The following MYO18B variants were observed in gnomAD, a reference collection of about 807,000 sequenced individuals.
MYO18B encodes myosin XVIIIB, also known as unconventional myosin-XVIIIb.
In MYO18B, 204 loss-of-function variants were observed where a neutral mutation model predicts 273.0. The observed-to-expected ratio is 0.75, with a 90% CI of 0.67 to 0.84. The LOEUF (loss-of-function observed/expected upper bound fraction) is 0.84, where lower values mean the gene tolerates loss of function less well. Among genes scored for constraint, MYO18B ranks in the 40% least tolerant of loss-of-function variants. The probability of loss-of-function intolerance (pLI) is 0.00; values close to 1 mark genes in which losing one functional copy is unlikely to be tolerated. For synonymous variants in MYO18B, 1,330 were observed against 1,305.7 expected (o/e 1.02, Z -0.40); for missense variants, 3,212 against 3,287.6 (o/e 0.98, Z 0.56).
rs533889222 is a variant in MYO18B, at chr22:25,847,061, G to A, written c.3553-369G>A. On this transcript the variant is annotated intron_variant, in intron 19 of 43. Transcript: ENST00000335473. ...TGCCACTGCACTCCAGCCTGGCAAC[G>A]GAGTGAGACTCTGTCTCAAAAAAAA... Among the ~76,000 whole-genome samples the A allele has an allele frequency of 3.4e-5, 5 of 148,550 alleles. No individual in the cohort carries two copies. In the East Asian group the frequency reaches 5.9e-4, roughly 17 times the overall value.
chr22:25,930,275 C>T (rs1430022447), intron 34 of MYO18B, among the ~76,000 whole-genome samples: 1 of 152,140 alleles, frequency 6.6e-6, no homozygotes, highest in Non-Finnish European at 1.5e-5. Flanking sequence ...TTGTCACTCC[C>T]TGTAATTATT....
In MYO18B at chr22:25,826,440, G is replaced by A; in HGVS notation, c.2727G>A (p.Glu909=). The A allele has an allele frequency of 6.2e-7, 1 of 1,613,834 alleles. No individual in the cohort carries two copies. Among genetic ancestry groups the A allele is most frequent in the Non-Finnish European group, 8.5e-7 (1 of 1,179,770 alleles). Residue 909 remains glutamate (E), a synonymous_variant, in exon 14 of 44, where the codon GAG becomes GAA. Coordinates refer to ENST00000335473, the MANE Select transcript of MYO18B (RefSeq NM_032608.7). ...GLKMTGVDCV[E]GMASGLYQEL... is the part of the protein sequence containing the mutation. ...AGATGACAGGAGTGGACTGTGTGGA[G>A]GGGATGGCCTCGGGCCTGTACCAGG...
chr22:25,908,518 A>G (rs1175993306), intron 32 of MYO18B, 86 bp downstream of exon 32: 3 of 1,136,476 alleles, frequency 2.6e-6, no homozygotes, highest in Non-Finnish European at 3.9e-6. Flanking sequence ...GGAGTAGGAC[A>G]GGGTCTGGGA....
intron 1 of MYO18B, among the ~76,000 whole-genome samples, chr22:25,760,189 G>C (rs2086257637): frequency 6.6e-6 from 1 of 152,058 alleles, no homozygotes; most frequent in African/African-American, 2.4e-5. Context: ...GCTGAAGCAG[G>C]CGGATCATGA....
intron 15 of MYO18B, among the ~76,000 whole-genome samples, chr22:25,831,995 C>G (rs747742103): frequency 1.3e-5 from 2 of 152,030 alleles, no homozygotes; most frequent in African/African-American, 2.4e-5. Context: ...CAAAAGCACA[C>G]AAAAAGAAGC....
chr22:25,966,645 C>T (rs1429811894), intron 39 of MYO18B, among the ~76,000 whole-genome samples: 1 of 152,196 alleles, frequency 6.6e-6, no homozygotes, highest in Non-Finnish European at 1.5e-5. Context: ...AATCCCTACT[C>T]CTAATGGCCT....
chr22:25,920,318 G>T (rs2092322451), intron 33 of MYO18B, among the ~76,000 whole-genome samples: 1 of 152,200 alleles, frequency 6.6e-6, no homozygotes, highest in African/African-American at 2.4e-5. Flanking sequence ...TTCTTTCAGA[G>T]ATGTTAACAC....
intron 39 of MYO18B, among the ~76,000 whole-genome samples, chr22:25,991,426 G>A (rs1037830407): frequency 6.6e-6 from 1 of 152,200 alleles, no homozygotes; most frequent in Non-Finnish European, 1.5e-5. Flanking sequence ...ATTTCCCCAA[G>A]TTGCGACTGC....
chr22:25,908,224 CA>C, intron 31 of MYO18B, 97 bp from the exon 32 acceptor site: 2 of 974,192 alleles, frequency 2.1e-6, no homozygotes, highest in South Asian at 1.5e-5. Context: ...TTATGTATTC[CA>C]AAAATGAGAA....
At chr22:25,974,853 T>C (rs1486157332) in intron 39 of MYO18B, among the ~76,000 whole-genome samples, 1 of 152,212 alleles carries the variant, frequency 6.6e-6, no homozygotes, top group Non-Finnish European at 1.5e-5. Context: ...TTCAGTCCAC[T>C]GTCTGTCCCA....
chr22:25,985,330 C>T (rs1309334442), intron 39 of MYO18B, among the ~76,000 whole-genome samples: 1 of 152,116 alleles, frequency 6.6e-6, no homozygotes, highest in African/African-American at 2.4e-5. Context: ...CACCGCACTT[C>T]AGCCTAGGTG....
chr22:25,766,189 T>C (rs1160966650), intron 3 of MYO18B, among the ~76,000 whole-genome samples: 3 of 152,120 alleles, frequency 2.0e-5, no homozygotes, highest in Admixed American at 6.6e-5. Flanking sequence ...CAGAGAGAAC[T>C]GGCTTTACAT....
chr22:25,880,989 C>T (rs1482019067), intron 25 of MYO18B, among the ~76,000 whole-genome samples: 1 of 152,256 alleles, frequency 6.6e-6, no homozygotes, highest in Non-Finnish European at 1.5e-5. Flanking sequence ...AAGATTTCTA[C>T]ACCCGAGAGC....
intron 39 of MYO18B, among the ~76,000 whole-genome samples, chr22:25,956,354 T>A (rs1328291496): frequency 6.6e-6 from 1 of 152,038 alleles, no homozygotes; most frequent in Non-Finnish European, 1.5e-5. Context: ...TAGCTGGGAC[T>A]ACGGGCATGA....
rs540547222 is a variant in MYO18B, at chr22:26,006,866, G to A, written c.6470+2011G>A. On this transcript the variant is annotated intron_variant, in intron 42 of 43. Transcript: ENST00000335473. The stretch of plus-strand genomic sequence containing the variant: ...AGCAGTAACTATTTGATGCCCGGAG[G>A]AATCCCGGGAGATAGACTTCACTGT... Among the ~76,000 whole-genome samples the A allele has an allele frequency of 6.6e-5, 10 of 152,242 alleles. No homozygotes were observed. The South Asian group carries it at 1.9e-3, about 28-fold the overall frequency.
intron 12 of MYO18B, among the ~76,000 whole-genome samples, chr22:25,819,033 A>G (rs2089162403): frequency 6.6e-6 from 1 of 151,568 alleles, no homozygotes; most frequent in Non-Finnish European, 1.5e-5. Context: ...TCAGGTGCCA[A>G]CTCAGGGTTC....
At chr22:26,033,859 TCCTC>T (rs1936720424), downstream of MYO18B, among the ~76,000 whole-genome samples, 1 of 150,506 alleles carries the variant, frequency 6.6e-6, no homozygotes, top group Non-Finnish European at 1.5e-5. Flanking sequence ...CTTTTTCTCT[TCCTC>T]CCTTCCTTCT....
chr22:25,742,770 C>T (rs561078578), intron 1 of MYO18B, among the ~76,000 whole-genome samples: 1 of 152,222 alleles, frequency 6.6e-6, no homozygotes, highest in African/African-American at 2.4e-5. Context: ...TTTTAATGTT[C>T]TTTTTTAAAC....
intron 34 of MYO18B, among the ~76,000 whole-genome samples, chr22:25,936,463 T>C (rs2092579730): frequency 6.6e-6 from 1 of 152,186 alleles, no homozygotes; most frequent in Non-Finnish European, 1.5e-5. Flanking sequence ...AGCTGTGGAC[T>C]TAAAAGAGAC....
Sources: allele counts gnomAD v4.1 joint callset (sites outside exome capture counted in the v4.1 genomes callset), GRCh38; gene constraint gnomAD v4.1.1; transcripts MANE v1.5; gene names NCBI Gene and HGNC (gene_info 2026-07-23, HGNC 2026-07-21).